CLSPN: variants seen among roughly 807,000 people sequenced by gnomAD.
The protein encoded by CLSPN is claspin, also known as claspin homolog.
CLSPN carries 85 observed loss-of-function variants against 156.3 expected under a neutral mutation model. The observed-to-expected ratio is 0.54, with a 90% CI of 0.46 to 0.65. The LOEUF is 0.65. Among genes scored for constraint, CLSPN ranks in the 30% least tolerant of loss-of-function variants. The pLI, the probability that CLSPN is intolerant of heterozygous loss-of-function variation, is 0.00. For synonymous variants in CLSPN, 534 were observed against 542.4 expected (o/e 0.98, Z 0.22); for missense variants, 1,407 against 1,554.9 (o/e 0.90, Z 1.60).
chr1:35,764,653 A>G lies in CLSPN; in HGVS notation c.195T>C (p.Ser65=), dbSNP rs372831636. 3.1e-6 allele frequency: 5 copies of G among 1,610,582 alleles called. No homozygotes were observed. In the African/African-American group the frequency reaches 6.7e-5, roughly 22 times the overall value. ...CATTTGTGTCCTCTGTTTCGGAATC[A>G]CTGTCTTGTAGAACCTTCCTGTTTT... ...KLKNRKVLQD[S]DSETEDTNAS... is the part of the protein sequence containing the mutation. The change falls in exon 3 of 25, where the codon AGT becomes AGC. Residue 65 remains serine, a synonymous_variant. Transcript: ENST00000318121.
chr1:35,760,787 A>G lies in CLSPN; in HGVS notation c.1134T>C (p.Asn378=). 3 of 1,613,678 alleles carry G rather than the reference A, an allele frequency of 1.9e-6. No individual in the cohort carries two copies. Among genetic ancestry groups the G allele is most frequent in the Non-Finnish European group, 2.5e-6 (3 of 1,179,944 alleles). ...TTGAENEVET[N]ALPVVSKETQ... ...TTTCCTTTGAAACTACAGGGAGTGC[A>G]TTAGTTTCCACTTCATTTTCTGCAC... The change falls in exon 8 of 25, where the codon AAT becomes AAC. Residue 378 remains asparagine, a synonymous_variant. Transcript: ENST00000318121.
At chr1:35,763,448 C>G in intron 3 of CLSPN, 127 bp from the exon 4 acceptor site, 2 of 591,112 alleles carry the variant, frequency 3.4e-6, no homozygotes, top group Non-Finnish European at 5.5e-6. Flanking sequence ...CATATAAAAT[C>G]TAGAACATTC....
chr1:35,727,218 C>T (rs1448715532), downstream of CLSPN, among the ~76,000 whole-genome samples: 1 of 152,228 alleles, frequency 6.6e-6, no homozygotes, highest in Non-Finnish European at 1.5e-5. Flanking sequence ...TTGGGATCAA[C>T]AGCTGTGGAA....
At chr1:35,724,420 A>C (rs1256113882) in intron 24 of CLSPN, among the ~76,000 whole-genome samples, 1 of 152,108 alleles carries the variant, frequency 6.6e-6, no homozygotes, top group Non-Finnish European at 1.5e-5. Context: ...AAGTTGGCCC[A>C]GTTGTGAAAG....
chr1:35,747,797 C>T (rs1050098681), intron 14 of CLSPN, 110 bp downstream of exon 14: 4 of 1,090,128 alleles, frequency 3.7e-6, no homozygotes, highest in South Asian at 3.1e-5. Flanking sequence ...TACACCTTCT[C>T]TTTCTCAGAA....
Position 35,734,404 on chromosome 1 carries a change from G to A in CLSPN, c.*2092C>T. The A allele has an allele frequency of 1.0e-6, 1 of 984,968 alleles. No homozygotes were observed. The allele number at this position is 984,968 out of a possible 1,614,324, so 61.0% of individuals were successfully genotyped here. Reference sequence around the variant, plus strand: ...TAGAAAACTGTAGAAAACCGGCCGGGTGCGGTGGCTCATGCCTATAATCCC... The same window carrying A: ...TAGAAAACTGTAGAAAACCGGCCGGATGCGGTGGCTCATGCCTATAATCCC... On this transcript the variant is annotated 3_prime_UTR_variant, in exon 25 of 25. Coordinates refer to ENST00000318121, the MANE Select transcript of CLSPN (RefSeq NM_022111.4).
intron 1 of CLSPN, among the ~76,000 whole-genome samples, chr1:35,767,529 G>C (rs1351977895): frequency 6.6e-6 from 1 of 152,152 alleles, no homozygotes; most frequent in Non-Finnish European, 1.5e-5. Flanking sequence ...GATGCCACTA[G>C]ATGAAAATTC....
Position 35,732,585 on chromosome 1 carries a change from C to A in CLSPN, c.*3911G>T. 1.0e-6 allele frequency: 1 copy of A among 985,412 alleles called. No homozygotes were observed. Among genetic ancestry groups the A allele is most frequent in the South Asian group, 4.7e-5 (1 of 21,284 alleles). 61.0% of individuals were successfully genotyped at this position (985,412 alleles called of 1,614,324 possible). On this transcript the variant is annotated 3_prime_UTR_variant, in exon 25 of 25. Transcript: ENST00000318121. Reference sequence around the variant, plus strand: ...GTTTAAAGAGGTTAATACCATGTATCCCTACTCAAGTGTATGGAACAAGGA... The same window carrying A: ...GTTTAAAGAGGTTAATACCATGTATACCTACTCAAGTGTATGGAACAAGGA...
At chr1:35,744,431 A>C (rs1208901470) in intron 16 of CLSPN, among the ~76,000 whole-genome samples, 1 of 152,072 alleles carries the variant, frequency 6.6e-6, no homozygotes, top group African/African-American at 2.4e-5. Context: ...CCCCCTGAAT[A>C]GCTGGTACTG....
At chr1:35,741,843 C>T (rs979225526) in intron 18 of CLSPN, among the ~76,000 whole-genome samples, 1 of 151,574 alleles carries the variant, frequency 6.6e-6, no homozygotes, top group African/African-American at 2.4e-5. Context: ...TGTGGTGGCA[C>T]GTGCCTATAT....
At chr1:35,757,571 C>G (rs1642317777) in intron 8 of CLSPN, among the ~76,000 whole-genome samples, 1 of 152,142 alleles carries the variant, frequency 6.6e-6, no homozygotes, top group Admixed American at 6.5e-5. Flanking sequence ...AAAATAATAC[C>G]TGGCACTGTG....
intron 14 of CLSPN, among the ~76,000 whole-genome samples, chr1:35,747,510 G>A (rs1571204610): frequency 6.6e-6 from 1 of 152,264 alleles, no homozygotes; most frequent in Non-Finnish European, 1.5e-5. Context: ...TTACTCAGAA[G>A]GTAAAGTGTA....
rs550064181 is a variant in CLSPN at position 35,727,093 on chromosome 1, G to T, written c.3910-6113C>A. Among the ~76,000 whole-genome samples the T allele has an allele frequency of 2.0e-5, 3 of 152,272 alleles. No homozygotes were observed. In the South Asian group the frequency reaches 6.2e-4, roughly 32 times the overall value. Reference sequence around the variant, plus strand: ...GGAAATCCATTGCAAAGGAGTCTCCGTTCTTTGTTGTTCTAAAGGCTTGGC... The same window carrying T: ...GGAAATCCATTGCAAAGGAGTCTCCTTTCTTTGTTGTTCTAAAGGCTTGGC... On this transcript the variant is annotated intron_variant, in intron 24 of 24. Coordinates refer to the CLSPN transcript ENST00000251195.
At position 35,748,029 on chromosome 1, in the gene CLSPN, G is replaced by A. The variant is rs1327368253; in HGVS notation, c.2505C>T (p.Pro835=). 6.2e-7 allele frequency: 1 copy of A among 1,613,632 alleles called. No individual in the cohort carries two copies. The highest frequency in any genetic ancestry group is 1.7e-5 in the Admixed American group (1 of 59,828). The change falls in exon 14 of 25, where the codon CCC becomes CCT. Residue 835 remains proline, a synonymous_variant. Transcript: ENST00000318121. ...SSGKLSEPSL[P]IEDSQDLYNA... is the part of the protein sequence containing the mutation. ...TATACAGATCCTGGGAATCCTCTAT[G>A]GGAAGTGAAGGCTCAGACAGTTTCC...
At position 35,735,768 on chromosome 1, in the gene CLSPN, G is replaced by A. The variant is rs549435701; in HGVS notation, c.*728C>T. The A allele has an allele frequency of 1.7e-5, 17 of 984,748 alleles. No individual in the cohort carries two copies. Among genetic ancestry groups the A allele is most frequent in the Non-Finnish European group, 2.0e-5 (17 of 829,832 alleles). The allele number at this position is 984,748 out of a possible 1,614,324, so 61.0% of individuals were successfully genotyped here. ...GGTCATCATGGTACGTATCTCATGG[G>A]TGTAAAGGAGTCATTATGGTACTGA... is the stretch of plus-strand genomic sequence containing the variant. On this transcript the variant is annotated 3_prime_UTR_variant, in exon 25 of 25. Transcript: ENST00000318121.
At chr1:35,723,586 A>G (rs1228578821) in intron 24 of CLSPN, among the ~76,000 whole-genome samples, 1 of 152,208 alleles carries the variant, frequency 6.6e-6, no homozygotes, top group Non-Finnish European at 1.5e-5. Context: ...CCACCCATTC[A>G]TTTACATGTA....
intron 18 of CLSPN, among the ~76,000 whole-genome samples, chr1:35,739,731 C>T (rs189372543): frequency 8.2e-4 from 125 of 152,282 alleles, no homozygotes; most frequent in African/African-American, 2.8e-3. Flanking sequence ...GAATGTGATA[C>T]GCACTTAGTA....
Position 35,765,311 on chromosome 1 carries a change from T to G in CLSPN, c.40A>C (p.Asn14His). 1 of 1,612,994 alleles carries G rather than the reference T, an allele frequency of 6.2e-7. No individual in the cohort carries two copies. Among genetic ancestry groups the G allele is most frequent in the South Asian group, 1.1e-5 (1 of 91,066 alleles). ...EVGSEVHLEINDPNVISQEEA... is the reference protein window; with the variant it reads ...EVGSEVHLEIHDPNVISQEEA... ...TCTTGTGAAATGACGTTTGGGTCAT[T>G]GATTTCTAGGTGAACCTAGAAAATG... is the stretch of plus-strand genomic sequence containing the variant. The change falls in exon 2 of 25, where the codon AAT becomes CAT. Residue 14 changes from asparagine (N) to histidine (H), a missense_variant. Physicochemically the swap from Asn to His is moderately conservative, Grantham distance 68. Coordinates refer to ENST00000318121, the MANE Select transcript of CLSPN (RefSeq NM_022111.4).
chr1:35,739,595 GA>G (rs1272394917), intron 18 of CLSPN, 66 bp from the exon 19 acceptor site: 1 of 1,243,546 alleles, frequency 8.0e-7, no homozygotes, highest in African/African-American at 1.5e-5. Context: ...TGGAAGCAAA[GA>G]AAAGCAGAAC....
Sources: gnomAD v4.1 joint callset for allele counts (sites outside exome capture counted in the v4.1 genomes callset) on GRCh38, gnomAD v4.1.1 for gene constraint, MANE v1.5 for transcripts, NCBI Gene and HGNC (gene_info 2026-07-23, HGNC 2026-07-21) for gene names.